Variants in ABTB2 observed in about 807,000 individuals in gnomAD.
ABTB2 encodes the protein ankyrin repeat and BTB domain containing 2.
Under a neutral mutation model 104.1 loss-of-function variants are expected in ABTB2, and 56 were observed. The ratio of observed to expected loss-of-function variants is 0.54; its 90% CI spans 0.43 to 0.67. The LOEUF is 0.67. ABTB2 is among the 30% of genes least tolerant of loss of function. ABTB2 has a pLI of 0.00. For missense variants in ABTB2, 1,279 were observed against 1,407.7 expected (o/e 0.91, Z 1.46); for synonymous variants, 606 against 608.2 (o/e 1.00, Z 0.05).
At chr11:34,221,579 T>G (rs1167859962) in intron 1 of ABTB2, among the ~76,000 whole-genome samples, 3 of 152,038 alleles carry the variant, frequency 2.0e-5, no homozygotes, top group Non-Finnish European at 4.4e-5. Flanking sequence ...GAGAACAGAG[T>G]GGCTCTAGCC....
intron 1 of ABTB2, among the ~76,000 whole-genome samples, chr11:34,334,618 A>G (rs1855170802): frequency 1.3e-5 from 2 of 152,124 alleles, no homozygotes; most frequent in Admixed American, 1.3e-4. Context: ...ACATGCATCT[A>G]AACCATATGA....
chr11:34,195,654 G>C (rs776340674), intron 3 of ABTB2, among the ~76,000 whole-genome samples: 2 of 152,218 alleles, frequency 1.3e-5, no homozygotes, highest in Non-Finnish European at 2.9e-5. Context: ...CGTGGGGCCA[G>C]TTAGTCTCTC....
At chr11:34,204,425 T>TGGA in intron 2 of ABTB2, 119 bp downstream of exon 2, 1 of 1,264,820 alleles carries the variant, frequency 7.9e-7, no homozygotes, top group Non-Finnish European at 1.1e-6. Context: ...GCAAGGCACT[T>TGGA]GGAGGAGGAG....
intron 1 of ABTB2, among the ~76,000 whole-genome samples, chr11:34,302,389 T>C (rs980064416): frequency 6.6e-6 from 1 of 152,240 alleles, no homozygotes; most frequent in Non-Finnish European, 1.5e-5. Context: ...CTCTTACCTC[T>C]TCCTATCTGA....
At chr11:34,192,236 T>A (rs904207362) in intron 3 of ABTB2, among the ~76,000 whole-genome samples, 5 of 152,090 alleles carry the variant, frequency 3.3e-5, no homozygotes, top group African/African-American at 1.2e-4. Context: ...AAAGAGGCAG[T>A]GAGCTGAGAT....
intron 1 of ABTB2, among the ~76,000 whole-genome samples, chr11:34,278,688 C>T (rs979102328): frequency 6.6e-6 from 1 of 152,192 alleles, no homozygotes; most frequent in Non-Finnish European, 1.5e-5. Context: ...CCTGCAGGGC[C>T]TGTGCTTGTC....
chr11:34,286,143 C>CAA (rs1203328069), intron 1 of ABTB2, among the ~76,000 whole-genome samples: 5 of 140,674 alleles, frequency 3.6e-5, no homozygotes, highest in African/African-American at 1.0e-4. Context: ...GACCCTGTCT[C>CAA]AAAAAAAAAA....
chr11:34,183,231 G>A (rs1853050945), intron 3 of ABTB2, among the ~76,000 whole-genome samples: 1 of 152,098 alleles, frequency 6.6e-6, no homozygotes, highest in African/African-American at 2.4e-5. Context: ...CTCCCAAGTA[G>A]CTGGGACTAC....
intron 1 of ABTB2, among the ~76,000 whole-genome samples, chr11:34,334,498 C>A (rs2133118849): frequency 6.6e-6 from 1 of 152,256 alleles, no homozygotes; most frequent in Admixed American, 6.5e-5. Context: ...AATTTTTTAA[C>A]CTCAGGTGCA....
At chr11:34,353,428 A>G (rs907960088) in intron 1 of ABTB2, among the ~76,000 whole-genome samples, 28 of 152,144 alleles carry the variant, frequency 1.8e-4, no homozygotes, top group African/African-American at 6.8e-4. Context: ...AAAAGTTTCT[A>G]TTTTGTGCAA....
intron 1 of ABTB2, among the ~76,000 whole-genome samples, chr11:34,224,188 A>AT (rs1235989917): frequency 3.3e-5 from 5 of 151,948 alleles, no homozygotes; most frequent in African/African-American, 1.2e-4. Flanking sequence ...AATTTTGTTT[A>AT]TTTTTTTGGA....
intron 8 of ABTB2, 75 bp downstream of exon 8, chr11:34,165,185 C>G (rs1381649073): frequency 4.4e-6 from 6 of 1,367,368 alleles, no homozygotes; most frequent in Non-Finnish European, 6.0e-6. Context: ...CCCTGCACGT[C>G]CAGCTACATG....
chr11:34,312,010 G>C (rs755961912), intron 1 of ABTB2, among the ~76,000 whole-genome samples: 2 of 151,986 alleles, frequency 1.3e-5, no homozygotes, highest in African/African-American at 4.8e-5. Context: ...TCATGGTGGC[G>C]CACGCCTGTA....
rs1349274583 is a variant in ABTB2 at position 34,152,279 on chromosome 11, G to A, written c.*108C>T. On this transcript the variant is annotated 3_prime_UTR_variant, in exon 17 of 17. Coordinates refer to ENST00000435224, the MANE Select transcript of ABTB2 (RefSeq NM_145804.3). The stretch of plus-strand genomic sequence containing the variant: ...AGGGGGGACATCTGGGGGAGGAGGA[G>A]GAAACAGCCCCGTGAACCTGGCTCC... The A allele has an allele frequency of 1.6e-6, 2 of 1,264,518 alleles. No homozygotes were observed. The highest frequency in any genetic ancestry group is 1.5e-5 in the South Asian group (1 of 67,560). 78.3% of individuals were successfully genotyped at this position (1,264,518 alleles called of 1,614,324 possible).
intron 1 of ABTB2, among the ~76,000 whole-genome samples, chr11:34,269,316 G>A (rs1490273104): frequency 6.6e-6 from 1 of 152,206 alleles, no homozygotes; most frequent in Non-Finnish European, 1.5e-5. Context: ...GTTGTTTAGG[G>A]CAGATTTGCT....
At chr11:34,291,686 G>A (rs1442377955) in intron 1 of ABTB2, among the ~76,000 whole-genome samples, 1 of 151,970 alleles carries the variant, frequency 6.6e-6, no homozygotes, top group Non-Finnish European at 1.5e-5. Flanking sequence ...AGTAGAGTCG[G>A]GGTTTCACCA....
intron 1 of ABTB2, among the ~76,000 whole-genome samples, chr11:34,314,600 A>G (rs1854902133): frequency 6.6e-6 from 1 of 152,144 alleles, no homozygotes; most frequent in Admixed American, 6.5e-5. Flanking sequence ...CTCTTTTGAG[A>G]GGAGGACACT....
chr11:34,328,657 G>A (rs776880554), intron 1 of ABTB2, among the ~76,000 whole-genome samples: 71 of 152,124 alleles, frequency 4.7e-4, no homozygotes, highest in Middle Eastern at 3.2e-3. Flanking sequence ...TAGAGATGCC[G>A]GCCACCGGGC....
intron 6 of ABTB2, among the ~76,000 whole-genome samples, 184 bp from the exon 7 acceptor site, chr11:34,167,544 G>A (rs565718886): frequency 2.0e-5 from 3 of 152,312 alleles, no homozygotes; most frequent in East Asian, 1.9e-4. Context: ...TCTGCCCTGG[G>A]CAAAAGAGGG....
Sources: allele counts gnomAD v4.1 joint callset (sites outside exome capture counted in the v4.1 genomes callset), GRCh38; gene constraint gnomAD v4.1.1; transcripts MANE v1.5; gene names NCBI Gene and HGNC (gene_info 2026-07-23, HGNC 2026-07-21).